The following CD81 variants were observed in gnomAD, a reference collection of about 807,000 sequenced individuals.
The protein encoded by CD81 is CD81 antigen.
A neutral mutation model predicts 30.1 loss-of-function variants in CD81; 10 were observed. The observed-to-expected ratio is 0.33, with a 90% CI of 0.21 to 0.56. The LOEUF (loss-of-function observed/expected upper bound fraction) is 0.56. CD81 is among the 20% of genes least tolerant of loss of function. The pLI, the probability that CD81 is intolerant of heterozygous loss-of-function variation, is 0.89. For synonymous variants in CD81, 147 were observed against 126.4 expected, an observed-to-expected ratio of 1.16 and a Z score of -1.10; for missense variants, 263 against 308.7, an observed-to-expected ratio of 0.85 and a Z score of 1.11.
chr11:2,386,282 C>A (rs1212778392), intron 1 of CD81: 1 of 665,266 alleles, frequency 1.5e-6, no homozygotes, highest in Admixed American at 2.1e-5. Context: ...TTGGAAAGCT[C>A]TGCATACGTT....
chr11:2,394,237 G>GGGGCTGC (rs1849957207), intron 3 of CD81, 45 bp downstream of exon 3: 1 of 1,375,884 alleles, frequency 7.3e-7, no homozygotes, highest in Admixed American at 1.7e-5. Context: ...GGAGGGGCTG[G>GGGGCTGC]GGGCTGCGTC....
rs772118387 is a variant in CD81 at position 2,378,615 on chromosome 11, G to C, written c.66+1000G>C. 1.3e-5 allele frequency among the ~76,000 whole-genome samples: 2 copies of C among 152,184 alleles called. No individual in the cohort carries two copies. Among genetic ancestry groups the C allele is most frequent in the Admixed American group, 1.3e-4 (2 of 15,290 alleles). ...TGTCGGTGTTAGAATTGGGGAGGGG[G>C]TGGAAATCCCTTCTTGGCCTGGAAG... On this transcript the variant is annotated intron_variant, in intron 1 of 7. Coordinates refer to ENST00000263645, the MANE Select transcript of CD81 (RefSeq NM_004356.4). This position sits in a 1 kb window ranked among gnomAD's most constrained non-coding sequence, Gnocchi z 4.9.
intron 1 of CD81, chr11:2,379,039 T>C: frequency 2.4e-6 from 1 of 419,804 alleles, no homozygotes; most frequent in Non-Finnish European, 4.9e-6. Context: ...GGCACTGCCC[T>C]GGCAGTGGGG....
At chr11:2,387,704 G>T (rs1368502202) in intron 1 of CD81, among the ~76,000 whole-genome samples, 1 of 152,184 alleles carries the variant, frequency 6.6e-6, no homozygotes, top group East Asian at 1.9e-4. Context: ...AGGGGCACAC[G>T]TGGGGTCCCA....
At chr11:2,390,232 C>T in intron 1 of CD81, 180 bp from the exon 2 acceptor site, 3 of 675,858 alleles carry the variant, frequency 4.4e-6, no homozygotes, top group African/African-American at 1.8e-5. Context: ...AAGCACCCGC[C>T]CCATGCTCCT....
rs1850014130 is a variant in CD81, at chr11:2,396,694, A to G, written c.628A>G (p.Ile210Val). ...GKLYLIGIAAIVVAVIMIFEM... is the reference protein window; with the variant it reads ...GKLYLIGIAAVVVAVIMIFEM... ...GCTGTACCTCATCGGCATTGCTGCCATCGTGGTCGCTGTGATCATGGTGAG... is the reference window on the plus strand; with the variant it reads ...GCTGTACCTCATCGGCATTGCTGCCGTCGTGGTCGCTGTGATCATGGTGAG... The change falls in exon 7 of 8, where the codon ATC (isoleucine) becomes GTC (valine). Residue 210 changes from isoleucine to valine, a missense_variant. By Grantham distance (29) the Ile-to-Val change is conservative. Coordinates refer to ENST00000263645, the MANE Select transcript of CD81 (RefSeq NM_004356.4). 6.2e-7 allele frequency: 1 copy of G among 1,611,844 alleles called. No individual in the cohort carries two copies. Among genetic ancestry groups the G allele is most frequent in the Non-Finnish European group, 8.5e-7 (1 of 1,179,992 alleles).
rs754283817 is a variant in CD81 at position 2,395,882 on chromosome 11, G to A, written c.473G>A (p.Gly158Asp). Residue 158 changes from glycine (G) to aspartate (D), a missense_variant, in exon 6 of 8, where the codon GGC (glycine) becomes GAC (aspartate). Around this residue, in one of 3 missense-constraint regions of CD81, gnomAD observed 176 missense variants for 192.9 expected, o/e 0.91. Transcript: ENST00000263645. ...TGCTCTCTGCAGCTTGACTGCTGTG[G>A]CTCCAGCACACTGACTGCTTTGACC... Reference protein sequence around the residue: ...KTFHETLDCCGSSTLTALTTS... With the variant: ...KTFHETLDCCDSSTLTALTTS... The A allele has an allele frequency of 2.5e-6, 4 of 1,611,394 alleles. No individual in the cohort carries two copies. The Admixed American group carries it at 5.0e-5, about 20-fold the overall frequency.
chr11:2,382,716 G>A (rs1849725025), intron 1 of CD81, among the ~76,000 whole-genome samples: 1 of 152,226 alleles, frequency 6.6e-6, no homozygotes, highest in Non-Finnish European at 1.5e-5. Context: ...GATATCCGCT[G>A]CGGTGCAGAA....
intron 1 of CD81, among the ~76,000 whole-genome samples, chr11:2,383,950 G>A (rs1849742443): frequency 6.6e-6 from 1 of 152,166 alleles, no homozygotes; most frequent in African/African-American, 2.4e-5. Context: ...GGCTGTCCGG[G>A]GCCTGCGGGG....
rs915120123 is a variant in CD81 at position 2,378,464 on chromosome 11, A to C, written c.66+849A>C. Among the ~76,000 whole-genome samples the C allele has an allele frequency of 6.6e-6, 1 of 152,176 alleles. No individual in the cohort carries two copies. The highest frequency in any genetic ancestry group is 1.5e-5 in the Non-Finnish European group (1 of 68,016). The stretch of plus-strand genomic sequence containing the variant: ...CCGCTGCTTTGCAAGAGGGGCCCCC[A>C]CGCTGGGCATCTTTGGGTGCCAGCG... On this transcript the variant is annotated intron_variant, in intron 1 of 7. Coordinates refer to ENST00000263645, the MANE Select transcript of CD81 (RefSeq NM_004356.4). This position sits in a 1 kb window ranked among gnomAD's most constrained non-coding sequence, Gnocchi z 4.9.
intron 4 of CD81, 138 bp from the exon 5 acceptor site, chr11:2,395,278 C>T: frequency 1.3e-6 from 1 of 778,326 alleles, no homozygotes; most frequent in Non-Finnish European, 2.2e-6. Context: ...AGTGCAGAGT[C>T]CTTGTCCTCT....
At chr11:2,382,481 G>A (rs1470193607) in intron 1 of CD81, 1 of 152,294 alleles carries the variant, frequency 6.6e-6, no homozygotes, top group East Asian at 1.9e-4. Flanking sequence ...ACCACGTTTG[G>A]AAAGTTACTG....
intron 1 of CD81, among the ~76,000 whole-genome samples, chr11:2,379,683 G>A (rs1308788807): frequency 6.6e-6 from 1 of 152,018 alleles, no homozygotes; most frequent in Non-Finnish European, 1.5e-5. Context: ...CAGCTGGGGT[G>A]GAGACCTGAC....
At chr11:2,387,623 C>T (rs1377005934) in intron 1 of CD81, among the ~76,000 whole-genome samples, 1 of 152,012 alleles carries the variant, frequency 6.6e-6, no homozygotes, top group East Asian at 1.9e-4. Context: ...CACAGAAGAA[C>T]CAGGAGCTGT....
chr11:2,390,803 C>T (rs980116134), intron 2 of CD81, among the ~76,000 whole-genome samples: 6 of 151,550 alleles, frequency 4.0e-5, no homozygotes, highest in South Asian at 2.1e-4. Flanking sequence ...GGGGTTATTT[C>T]GGGGGAGGCT....
chr11:2,396,514 G>A (rs1282209166), intron 6 of CD81, 114 bp from the exon 7 acceptor site: 10 of 953,410 alleles, frequency 1.0e-5, no homozygotes, highest in South Asian at 1.3e-5. Flanking sequence ...GTGGGGGGCT[G>A]TTCCCAGGAT....
rs1375669871 is a variant in CD81 at position 2,377,541 on chromosome 11, C to G, written c.-9C>G. The stretch of plus-strand genomic sequence containing the variant: ...CGCGCCCCGCAGGCCGCCCGCCGCC[C>G]GCGCCGCCATGGGAGTGGAGGGCTG... On this transcript the variant is annotated 5_prime_UTR_variant, in exon 1 of 8. Transcript: ENST00000263645. This position sits in a 1 kb window ranked among gnomAD's most constrained non-coding sequence, Gnocchi z 7.7. 9 of 1,402,038 alleles carry G rather than the reference C, an allele frequency of 6.4e-6. No homozygotes were observed. The highest frequency in any genetic ancestry group is 8.5e-6 in the Non-Finnish European group (9 of 1,059,704). The allele number at this position is 1,402,038 out of a possible 1,614,324, so 86.8% of individuals were successfully genotyped here.
intron 3 of CD81, 121 bp downstream of exon 3, chr11:2,394,313 C>T: frequency 1.5e-6 from 1 of 654,764 alleles, no homozygotes; most frequent in Non-Finnish European, 2.7e-6. Context: ...GAGGTGGCTC[C>T]TGTGCCCTGC....
At chr11:2,393,734 G>A (rs939427914) in intron 2 of CD81, 1 of 601,634 alleles carries the variant, frequency 1.7e-6, no homozygotes. Flanking sequence ...AGCGGGTGAA[G>A]GCGGTGGGTG....
Sources: allele counts gnomAD v4.1 joint callset (sites outside exome capture counted in the v4.1 genomes callset), GRCh38; gene constraint gnomAD v4.1.1; regional missense constraint gnomAD v4.1.1; non-coding constraint Gnocchi (gnomAD v3.1); transcripts MANE v1.5; gene names NCBI Gene and HGNC (gene_info 2026-07-23, HGNC 2026-07-21).